The following PDE1A variants were observed in gnomAD, a reference collection of about 807,000 sequenced individuals.
The protein encoded by PDE1A is dual specificity calcium/calmodulin-dependent 3',5'-cyclic nucleotide phosphodiesterase 1A.
A neutral mutation model predicts 61.7 loss-of-function variants in PDE1A; 35 were observed. That is an observed-to-expected ratio of 0.57 (90% CI 0.43 to 0.75). The LOEUF is 0.75. PDE1A is among the 30% of genes least tolerant of loss of function. The pLI is 0.00. For synonymous variants in PDE1A, 232 were observed against 213.2 expected (o/e 1.09, Z -0.77); for missense variants, 597 against 630.6 (o/e 0.95, Z 0.57).
chr2:182,272,174 T>C (rs1213714437), intron 1 of PDE1A, among the ~76,000 whole-genome samples: 1 of 152,036 alleles, frequency 6.6e-6, no homozygotes, highest in African/African-American at 2.4e-5. Flanking sequence ...AGAAGAGAAT[T>C]AGACAAAATT....
intron 1 of PDE1A, among the ~76,000 whole-genome samples, chr2:182,413,672 G>A (rs1407110136): frequency 6.6e-6 from 1 of 152,148 alleles, no homozygotes; most frequent in Non-Finnish European, 1.5e-5. Context: ...TATGTTTATA[G>A]ATATTTGGCA....
chr2:182,707,719 T>A, the PDE1A span, among the ~76,000 whole-genome samples: 1 of 151,996 alleles, frequency 6.6e-6, no homozygotes, highest in Non-Finnish European at 1.5e-5. Flanking sequence ...AAGGGAAAAA[T>A]AAAATAAATC....
intron 10 of PDE1A, among the ~76,000 whole-genome samples, chr2:182,197,610 C>T (rs1574653921): frequency 6.6e-6 from 1 of 151,720 alleles, no homozygotes; most frequent in African/African-American, 2.4e-5. Flanking sequence ...CCTTTTCTTC[C>T]CATACATTCA....
At chr2:182,235,072 G>T (rs1689899813) in intron 3 of PDE1A, among the ~76,000 whole-genome samples, 2 of 152,136 alleles carry the variant, frequency 1.3e-5, no homozygotes. Flanking sequence ...TATTCAGAAA[G>T]AAAACAATGT....
chr2:182,609,895 G>A, the PDE1A span, among the ~76,000 whole-genome samples: 15 of 152,086 alleles, frequency 9.9e-5, no homozygotes, highest in African/African-American at 3.1e-4. Flanking sequence ...CGAGACCAGC[G>A]TGGCCAACAT....
chr2:182,541,919 G>C, the PDE1A span, among the ~76,000 whole-genome samples: 1 of 152,110 alleles, frequency 6.6e-6, no homozygotes, highest in Non-Finnish European at 1.5e-5. Context: ...TGTGTGACTT[G>C]AGCAGGAAAG....
intron 1 of PDE1A, chr2:182,522,426 C>T (rs367858335): frequency 3.5e-4 from 571 of 1,610,910 alleles, no homozygotes; most frequent in Non-Finnish European, 4.7e-4. Flanking sequence ...GCAGCTAGAA[C>T]AAGCATTCCT....
chr2:182,382,337 A>G (rs759598239), intron 1 of PDE1A, among the ~76,000 whole-genome samples: 3 of 152,232 alleles, frequency 2.0e-5, no homozygotes, highest in Non-Finnish European at 4.4e-5. Context: ...GGAAGGGCTC[A>G]AGAACAAGGA....
exon 14 of PDE1A, chr2:182,168,082 A>C: frequency 7.5e-7 from 1 of 1,336,566 alleles, no homozygotes; most frequent in Non-Finnish European, 9.6e-7. Context: ...TAAGGAGTTT[A>C]CAGCTGTTAT....
downstream of PDE1A, among the ~76,000 whole-genome samples, chr2:182,164,399 C>A (rs753294182): frequency 2.0e-5 from 3 of 152,106 alleles, no homozygotes; most frequent in Non-Finnish European, 4.4e-5. Flanking sequence ...ATATTGGTAA[C>A]ACAGAAATTT....
chr2:182,457,436 G>A (rs542795212), intron 2 of PDE1A, among the ~76,000 whole-genome samples: 124 of 152,006 alleles, frequency 8.2e-4, no homozygotes, highest in African/African-American at 3.0e-3. Context: ...TAAAATCTGT[G>A]TGTAAACAAA....
At chr2:182,153,448 A>G (rs771237631) in intron 13 of PDE1A, among the ~76,000 whole-genome samples, 2 of 152,202 alleles carry the variant, frequency 1.3e-5, no homozygotes, top group Admixed American at 1.3e-4. Context: ...GCTCCTACCC[A>G]CTGGTTGAAG....
At chr2:182,664,587 G>T in the PDE1A span, among the ~76,000 whole-genome samples, 1 of 152,182 alleles carries the variant, frequency 6.6e-6, no homozygotes, top group Non-Finnish European at 1.5e-5. Context: ...AAAATGCTAA[G>T]TACCAAATAC....
the PDE1A span, among the ~76,000 whole-genome samples, chr2:182,543,130 C>G: frequency 6.6e-6 from 1 of 152,070 alleles, no homozygotes; most frequent in Admixed American, 6.6e-5. Context: ...GGAGACCACT[C>G]AAATCATGCT....
intron 1 of PDE1A, among the ~76,000 whole-genome samples, chr2:182,369,646 AAG>A (rs1231908507): frequency 1.3e-5 from 2 of 152,170 alleles, no homozygotes; most frequent in African/African-American, 2.4e-5. Context: ...TAAGTCAAGG[AAG>A]ATGAGAAGAA....
intron 2 of PDE1A, among the ~76,000 whole-genome samples, chr2:182,433,118 A>C (rs1371328645): frequency 1.3e-5 from 2 of 152,006 alleles, no homozygotes; most frequent in Admixed American, 1.3e-4. Context: ...GCTCCATCTC[A>C]GCTAGCTTTT....
At chr2:182,581,137 A>G in the PDE1A span, among the ~76,000 whole-genome samples, 2 of 152,194 alleles carry the variant, frequency 1.3e-5, no homozygotes, top group Non-Finnish European at 2.9e-5. Context: ...TGTACCTGCT[A>G]GCTAGTTTTA....
Position 182,503,236 on chromosome 2 carries a change from G to A in PDE1A, c.101+19040C>T, listed in dbSNP as rs890565722. Among the ~76,000 whole-genome samples the A allele has an allele frequency of 3.3e-5, 5 of 152,092 alleles. No homozygotes were observed. The South Asian group carries it at 6.2e-4, about 19-fold the overall frequency. ...GTCACCAAAGCTACAGAACCTTCAC[G>A]TGGACAAAGGTCAGAGCCTTGTGAC... On this transcript the variant is annotated intron_variant, in intron 2 of 14. Coordinates refer to the PDE1A transcript ENST00000410103.
rs79628109 is a variant in PDE1A, at chr2:182,200,288, A to G, written c.1125+1151T>C. 5.4e-4 allele frequency among the ~76,000 whole-genome samples: 82 copies of G among 152,284 alleles called. 3 individuals are homozygous for G. The East Asian group carries it at 0.015, about 28-fold the overall frequency. On this transcript the variant is annotated intron_variant, in intron 10 of 13. Coordinates refer to ENST00000351439, the Ensembl canonical transcript of PDE1A. ...GGCCTATCCCCTAGATAGTTTCAGCATAGGGCCTGGTCACCAGAAACCAAC... is the reference window on the plus strand; with the variant it reads ...GGCCTATCCCCTAGATAGTTTCAGCGTAGGGCCTGGTCACCAGAAACCAAC...
Sources: gnomAD v4.1 joint callset for allele counts (sites outside exome capture counted in the v4.1 genomes callset) on GRCh38, gnomAD v4.1.1 for gene constraint, MANE v1.5 for transcripts, NCBI Gene and HGNC (gene_info 2026-07-23, HGNC 2026-07-21) for gene names.